The following ZNG1C variants were observed in gnomAD, a reference collection of about 807,000 sequenced individuals.
The protein encoded by ZNG1C is Zn regulated GTPase metalloprotein activator 1C.
chr9:68,288,924 C>T, the ZNG1C span, among the ~76,000 whole-genome samples: 1 of 61,216 alleles, frequency 1.6e-5, no homozygotes, highest in East Asian at 3.2e-4. Context: ...CCTTTTTGCC[C>T]CTTCCTAGTC....
At chr9:68,266,808 T>G in the ZNG1C span, among the ~76,000 whole-genome samples, 1 of 151,396 alleles carries the variant, frequency 6.6e-6, no homozygotes, top group Non-Finnish European at 1.5e-5. Context: ...CAGTTTTCCC[T>G]GAACTCTTGT....
At chr9:68,247,419 G>T in the ZNG1C span, among the ~76,000 whole-genome samples, 2 of 151,188 alleles carry the variant, frequency 1.3e-5, no homozygotes, top group Non-Finnish European at 2.9e-5. Context: ...CAGGGCTTAA[G>T]ACATCTTAAA....
chr9:68,251,049 A>G, the ZNG1C span: 1 of 355,250 alleles, frequency 2.8e-6, no homozygotes, highest in Admixed American at 3.9e-5. Context: ...ACCGCACTCC[A>G]GCCTGGATGA....
the ZNG1C span, among the ~76,000 whole-genome samples, chr9:68,256,666 T>TTTA: frequency 7.6e-6 from 1 of 131,852 alleles, no homozygotes; most frequent in Non-Finnish European, 1.6e-5. Context: ...TGATGTTTTG[T>TTTA]TTATATGTGG....
the ZNG1C span, among the ~76,000 whole-genome samples, chr9:68,288,647 ATTTTTTTT>A: frequency 2.1e-3 from 118 of 56,956 alleles, no homozygotes; most frequent in African/African-American, 8.8e-3. Context: ...TAATTTTTGT[ATTTTTTTT>A]TTTTTTTTTT....
At chr9:68,288,426 A>G in the ZNG1C span, among the ~76,000 whole-genome samples, 2 of 152,260 alleles carry the variant, frequency 1.3e-5, no homozygotes, top group Non-Finnish European at 2.9e-5. Flanking sequence ...GTGTAATTTT[A>G]GTGTACAATT....
At chr9:68,282,601 T>TAA in the ZNG1C span, among the ~76,000 whole-genome samples, 7 of 82,190 alleles carry the variant, frequency 8.5e-5, 1 homozygote, top group African/African-American at 2.7e-4. Context: ...ATGTAGTTTG[T>TAA]AAAAAAAAAA....
chr9:68,264,821 T>TTTTA, the ZNG1C span, among the ~76,000 whole-genome samples: 1,698 of 24,838 alleles, frequency 0.068, 75 homozygotes, highest in Non-Finnish European at 0.082. Flanking sequence ...GGATTGAAGA[T>TTTTA]TATATATATA....
the ZNG1C span, chr9:68,299,782 CTTTT>C: frequency 1.8e-6 from 1 of 565,056 alleles, no homozygotes; most frequent in African/African-American, 1.9e-5. Context: ...ATATAATATC[CTTTT>C]TTTTAAAGAA....
At chr9:68,256,646 G>A in the ZNG1C span, among the ~76,000 whole-genome samples, 9 of 128,042 alleles carry the variant, frequency 7.0e-5, no homozygotes, top group African/African-American at 2.4e-4. Context: ...TTATGGCATC[G>A]GTAGAAGAAT....
chr9:68,287,664 CATT>C, the ZNG1C span, among the ~76,000 whole-genome samples: 1 of 152,300 alleles, frequency 6.6e-6, no homozygotes, highest in African/African-American at 2.4e-5. Context: ...AAATTCCAGA[CATT>C]ATGTCACTTT....
chr9:68,259,715 T>G, the ZNG1C span, among the ~76,000 whole-genome samples: 9 of 152,150 alleles, frequency 5.9e-5, no homozygotes, highest in Non-Finnish European at 1.5e-5. Context: ...TTTACCATGT[T>G]GACCAGCCTG....
the ZNG1C span, among the ~76,000 whole-genome samples, chr9:68,280,503 G>C: frequency 1.1e-5 from 1 of 94,938 alleles, no homozygotes. Flanking sequence ...GTGATGTACA[G>C]ATGGGTTTTT....
the ZNG1C span, among the ~76,000 whole-genome samples, chr9:68,288,639 A>T: frequency 1.8e-5 from 1 of 54,058 alleles, no homozygotes; most frequent in East Asian, 3.8e-4. Context: ...TGCCTAGCTA[A>T]TTTTTGTATT....
the ZNG1C span, among the ~76,000 whole-genome samples, chr9:68,284,876 C>G: frequency 6.8e-6 from 1 of 146,038 alleles, no homozygotes; most frequent in African/African-American, 2.5e-5. Flanking sequence ...GGGAACTAAA[C>G]TTAAATGTTC....
the ZNG1C span, among the ~76,000 whole-genome samples, chr9:68,287,224 G>T: frequency 6.6e-6 from 1 of 151,908 alleles, no homozygotes; most frequent in East Asian, 1.9e-4. Flanking sequence ...TACAGGGCTT[G>T]GTGGATACTC....
the ZNG1C span, among the ~76,000 whole-genome samples, chr9:68,257,162 C>T: frequency 2.5e-3 from 337 of 136,292 alleles, no homozygotes; most frequent in East Asian, 3.5e-3. Context: ...CTCAGCCTCC[C>T]GAGTAGCTGG....
At chr9:68,281,009 C>T in the ZNG1C span, among the ~76,000 whole-genome samples, 9 of 115,200 alleles carry the variant, frequency 7.8e-5, no homozygotes, top group African/African-American at 1.3e-4. Context: ...GTGGGTCCCT[C>T]CGAGCCAGGT....
the ZNG1C span, among the ~76,000 whole-genome samples, chr9:68,294,060 T>A: frequency 2.0e-5 from 3 of 151,940 alleles, no homozygotes; most frequent in East Asian, 5.8e-4. Flanking sequence ...ATACATGGAA[T>A]AACCTGCTCC....
Sources: gnomAD v4.1 joint callset for allele counts (sites outside exome capture counted in the v4.1 genomes callset) on GRCh38, gnomAD v4.1.1 for gene constraint, MANE v1.5 for transcripts, NCBI Gene and HGNC (gene_info 2026-07-23, HGNC 2026-07-21) for gene names.